The following CAPRIN2 variants were observed in gnomAD, a reference collection of about 807,000 sequenced individuals.
CAPRIN2 encodes caprin family member 2, also known as caprin-2.
In CAPRIN2, 66 loss-of-function variants were observed where a neutral mutation model predicts 130.4. The observed-to-expected ratio is 0.51, with a 90% CI of 0.42 to 0.62. CAPRIN2 has a LOEUF of 0.62. Among genes scored for constraint, CAPRIN2 ranks in the 20% least tolerant of loss-of-function variants. The pLI is 0.00. For missense variants in CAPRIN2, 1,185 were observed against 1,246.6 expected (o/e 0.95, Z 0.74); for synonymous variants, 471 against 444.1 (o/e 1.06, Z -0.76).
At chr12:30,741,228 C>A in intron 2 of CAPRIN2, 122 bp from the exon 4 acceptor site, 1 of 469,536 alleles carries the variant, frequency 2.1e-6, no homozygotes. Flanking sequence ...TATACATACA[C>A]AAAAAAAGTA....
At chr12:30,739,447 T>G (rs2066356093) in intron 3 of CAPRIN2, among the ~76,000 whole-genome samples, 1 of 152,118 alleles carries the variant, frequency 6.6e-6, no homozygotes, top group East Asian at 1.9e-4. Context: ...AAATAACTAT[T>G]AGGTACAAGG....
chr12:30,721,050 C>G (rs1013713909), intron 11 of CAPRIN2, 135 bp from the exon 13 acceptor site: 4 of 624,122 alleles, frequency 6.4e-6, no homozygotes, highest in Admixed American at 2.7e-5. Context: ...ACACTTTATA[C>G]GTGTTAATAT....
At chr12:30,745,263 CA>C (rs1410469229) in intron 2 of CAPRIN2, among the ~76,000 whole-genome samples, 1 of 152,172 alleles carries the variant, frequency 6.6e-6, no homozygotes. Flanking sequence ...ACTTGAATCT[CA>C]GCTCTTTATT....
At chr12:30,753,911 G>T in exon 1 of CAPRIN2, 1 of 703,752 alleles carries the variant, frequency 1.4e-6, no homozygotes, top group Non-Finnish European at 2.4e-6. Flanking sequence ...TTCTTCTCAT[G>T]AGGGCAGATC....
intron 10 of CAPRIN2, 99 bp from the exon 12 acceptor site, chr12:30,723,413 T>C (rs1198956030): frequency 2.5e-6 from 2 of 784,762 alleles, no homozygotes; most frequent in Admixed American, 4.3e-5. Flanking sequence ...AAAAAAGACA[T>C]TAGCTGGAAG....
chr12:30,730,491 T>C (rs1420994850), intron 6 of CAPRIN2, among the ~76,000 whole-genome samples: 2 of 152,218 alleles, frequency 1.3e-5, no homozygotes, highest in African/African-American at 4.8e-5. Flanking sequence ...GTAGCTCTCC[T>C]TATGTAAGAC....
At chr12:30,737,851 C>A (rs1565661019) in intron 3 of CAPRIN2, among the ~76,000 whole-genome samples, 1 of 152,100 alleles carries the variant, frequency 6.6e-6, no homozygotes, top group Non-Finnish European at 1.5e-5. Context: ...CCCGCCTCGG[C>A]CTCCCAAAGT....
intron 8 of CAPRIN2, among the ~76,000 whole-genome samples, chr12:30,726,435 C>A (rs1476545825): frequency 6.6e-6 from 1 of 151,358 alleles, no homozygotes; most frequent in Non-Finnish European, 1.5e-5. Context: ...TTTTTTTTTC[C>A]AGGGCAAAAA....
At chr12:30,726,202 T>A in intron 8 of CAPRIN2, 114 bp from the exon 10 acceptor site, 1 of 867,532 alleles carries the variant, frequency 1.2e-6, no homozygotes, top group Admixed American at 3.4e-5. Context: ...TGTTCACTTA[T>A]CACAGGTAAA....
At chr12:30,744,690 C>T (rs910898190) in intron 2 of CAPRIN2, among the ~76,000 whole-genome samples, 1 of 152,168 alleles carries the variant, frequency 6.6e-6, no homozygotes, top group African/African-American at 2.4e-5. Context: ...CTATACTTCA[C>T]CTTCTTAACA....
chr12:30,735,691 G>A (rs2064416798), intron 3 of CAPRIN2, among the ~76,000 whole-genome samples: 2 of 152,106 alleles, frequency 1.3e-5, no homozygotes, highest in African/African-American at 4.8e-5. Context: ...TGTCTTCCAA[G>A]TGTAATGCCA....
chr12:30,720,088 TTTTATTTA>T (rs138501856), intron 12 of CAPRIN2: 1 of 152,118 alleles, frequency 6.6e-6, no homozygotes, highest in South Asian at 2.1e-4. Flanking sequence ...GTTAAAATGT[TTTTATTTA>T]TTTATTTTTT....
At chr12:30,730,475 A>T (rs754324629) in intron 6 of CAPRIN2, among the ~76,000 whole-genome samples, 193 bp from the exon 8 acceptor site, 24 of 152,248 alleles carry the variant, frequency 1.6e-4, no homozygotes, top group African/African-American at 2.7e-4. Context: ...AGGCTAGTTC[A>T]AACTAGTAGC....
intron 10 of CAPRIN2, among the ~76,000 whole-genome samples, 159 bp from the exon 12 acceptor site, chr12:30,723,473 G>A (rs932276193): frequency 2.6e-5 from 4 of 152,202 alleles, no homozygotes; most frequent in Non-Finnish European, 5.9e-5. Context: ...TTTAACAAGA[G>A]AGAACTGTAG....
chr12:30,720,996 T>A (rs2137038428), intron 11 of CAPRIN2, 81 bp from the exon 13 acceptor site: 2 of 923,910 alleles, frequency 2.2e-6, no homozygotes, highest in East Asian at 4.9e-5. Flanking sequence ...CTTCCTAATA[T>A]GTTACTCTTA....
At chr12:30,753,854 C>T (rs1592382552) in exon 1 of CAPRIN2, 1 of 1,305,624 alleles carries the variant, frequency 7.7e-7, no homozygotes, top group Non-Finnish European at 1.0e-6. Flanking sequence ...TCCAGAAATT[C>T]GATTTTCCAC....
intron 2 of CAPRIN2, among the ~76,000 whole-genome samples, chr12:30,745,512 T>C (rs1465468803): frequency 6.6e-6 from 1 of 152,152 alleles, no homozygotes; most frequent in African/African-American, 2.4e-5. Context: ...AAGAGCCATA[T>C]AGAACATTAC....
At chr12:30,726,459 A>T (rs369016608) in intron 8 of CAPRIN2, among the ~76,000 whole-genome samples, 74 of 152,288 alleles carry the variant, frequency 4.9e-4, no homozygotes, top group African/African-American at 1.8e-3. Flanking sequence ...CTACTACCAC[A>T]TTAAATGTAC....
chr12:30,745,844 TA>T (rs2069914157), intron 2 of CAPRIN2, among the ~76,000 whole-genome samples: 1 of 152,126 alleles, frequency 6.6e-6, no homozygotes, highest in African/African-American at 2.4e-5. Context: ...CACAAAATTA[TA>T]AAGTAACAAC....
Sources: gnomAD v4.1 joint callset for allele counts (sites outside exome capture counted in the v4.1 genomes callset) on GRCh38, gnomAD v4.1.1 for gene constraint, MANE v1.5 for transcripts, NCBI Gene and HGNC (gene_info 2026-07-23, HGNC 2026-07-21) for gene names.